Variants in C11orf65 observed in about 807,000 individuals in gnomAD.
C11orf65 encodes protein MFI.
Under a neutral mutation model 35.3 loss-of-function variants are expected in C11orf65, and 38 were observed. The ratio of observed to expected loss-of-function variants is 1.08; its 90% CI spans 0.83 to 1.41. The LOEUF is 1.41. C11orf65 is among the 40% of genes most tolerant of loss of function. C11orf65 has a pLI of 0.00. For synonymous variants in C11orf65, 105 were observed against 114.4 expected, an observed-to-expected ratio of 0.92 and a Z score of 0.53; for missense variants, 370 against 367.1, an observed-to-expected ratio of 1.01 and a Z score of -0.06.
intron 2 of C11orf65, among the ~76,000 whole-genome samples, chr11:108,342,077 T>A (rs1565555618): frequency 6.6e-6 from 1 of 152,028 alleles, no homozygotes. Flanking sequence ...CTTAACATTA[T>A]GAGATTTTTT....
At chr11:108,390,833 A>T (rs1347506350) in intron 7 of C11orf65, among the ~76,000 whole-genome samples, 1 of 152,198 alleles carries the variant, frequency 6.6e-6, no homozygotes, top group Non-Finnish European at 1.5e-5. Context: ...TGCACAAAAT[A>T]TTGGGGTTAT....
At chr11:108,461,774 T>C (rs557932558) in intron 1 of C11orf65, among the ~76,000 whole-genome samples, 3 of 152,166 alleles carry the variant, frequency 2.0e-5, no homozygotes, top group South Asian at 2.1e-4. Flanking sequence ...ATTGTAGGCG[T>C]GCACCATCAC....
In C11orf65 at chr11:108,449,483, A is replaced by C. The variant is rs557779046; in HGVS notation, c.81+11996T>G. Among the ~76,000 whole-genome samples the C allele has an allele frequency of 7.5e-4, 114 of 152,118 alleles. 1 individual carries two copies. Among genetic ancestry groups the C allele is most frequent in the African/African-American group, 2.7e-3 (111 of 41,372 alleles). On this transcript the variant is annotated intron_variant, in intron 2 of 8. Coordinates refer to ENST00000393084, the MANE Select transcript of C11orf65 (RefSeq NM_152587.5). ...ACAGAGTCCTCAGAAATAATGCCGC[A>C]TATCTACAACCATCTGCTCTTTGAC...
At chr11:108,440,884 C>T (rs1417414859) in intron 2 of C11orf65, among the ~76,000 whole-genome samples, 1 of 152,104 alleles carries the variant, frequency 6.6e-6, no homozygotes, top group Non-Finnish European at 1.5e-5. Flanking sequence ...AGGAAGAGCC[C>T]CAGTCTACAG....
chr11:108,312,322 G>GT, intron 6 of C11orf65: 2 of 996,560 alleles, frequency 2.0e-6, no homozygotes, highest in East Asian at 2.4e-5. Flanking sequence ...ACCTTCATTA[G>GT]TTTTTTTCTG....
At chr11:108,414,118 G>A (rs1333781172) in intron 3 of C11orf65, among the ~76,000 whole-genome samples, 1 of 151,768 alleles carries the variant, frequency 6.6e-6, no homozygotes, top group Non-Finnish European at 1.5e-5. Flanking sequence ...GAAAATAAAA[G>A]AAACAAAAAG....
chr11:108,389,845 C>T (rs1385619790), intron 7 of C11orf65, among the ~76,000 whole-genome samples: 1 of 151,944 alleles, frequency 6.6e-6, no homozygotes, highest in African/African-American at 2.4e-5. Flanking sequence ...CAGGCACCCA[C>T]CACCACGCCC....
intron 6 of C11orf65, among the ~76,000 whole-genome samples, chr11:108,315,213 A>G (rs901310414): frequency 1.3e-5 from 2 of 152,200 alleles, no homozygotes; most frequent in African/African-American, 4.8e-5. Flanking sequence ...CAACACAATA[A>G]TGCTTACCAC....
chr11:108,358,803 C>T lies in C11orf65; in HGVS notation c.227-23511G>A, dbSNP rs890035625. ...AAGAGCTCCTGAAGGAAGCACTAAACATGGAAAGGAACAACCGGTACCAGC... is the reference window on the plus strand; with the variant it reads ...AAGAGCTCCTGAAGGAAGCACTAAATATGGAAAGGAACAACCGGTACCAGC... On this transcript the variant is annotated intron_variant, in intron 2 of 3. Transcript: ENST00000524755. Among the ~76,000 whole-genome samples the T allele has an allele frequency of 5.7e-3, 851 of 149,432 alleles. 2 individuals carry two copies. Among genetic ancestry groups the T allele is most frequent in the Non-Finnish European group, 9.0e-3 (603 of 66,790 alleles).
At chr11:108,406,232 G>T (rs558369544) in intron 5 of C11orf65, among the ~76,000 whole-genome samples, 1 of 152,264 alleles carries the variant, frequency 6.6e-6, no homozygotes, top group East Asian at 1.9e-4. Flanking sequence ...TGGTTGATAT[G>T]CAATAGTTTA....
chr11:108,334,892 G>T (rs1855777514), intron 3 of C11orf65: 3 of 1,487,020 alleles, frequency 2.0e-6, no homozygotes, highest in Middle Eastern at 1.8e-4. Context: ...TATTAAAATT[G>T]CCATTTATAA....
intron 3 of C11orf65, among the ~76,000 whole-genome samples, chr11:108,426,037 T>C (rs920257636): frequency 2.5e-4 from 38 of 152,206 alleles, no homozygotes; most frequent in African/African-American, 7.2e-4. Flanking sequence ...CCACAGCCAA[T>C]ACCATACTGA....
At chr11:108,308,858 T>G (rs1346147971) in exon 7 of C11orf65, 1 of 635,188 alleles carries the variant, frequency 1.6e-6, no homozygotes, top group Non-Finnish European at 2.7e-6. Flanking sequence ...TACCTTAGAG[T>G]TTTATACCAG....
intron 4 of C11orf65, 47 bp downstream of exon 4, chr11:108,407,049 T>C (rs1332026235): frequency 6.3e-7 from 1 of 1,577,040 alleles, no homozygotes; most frequent in Non-Finnish European, 8.7e-7. Flanking sequence ...TTCAATTTCA[T>C]AAAAATGTGC....
intron 2 of C11orf65, among the ~76,000 whole-genome samples, chr11:108,445,204 G>A (rs1004128381): frequency 1.3e-4 from 20 of 152,312 alleles, no homozygotes; most frequent in Admixed American, 5.2e-4. Flanking sequence ...CAAAAAGACA[G>A]CAGTAACCTC....
At chr11:108,458,420 T>C (rs535893508) in intron 2 of C11orf65, among the ~76,000 whole-genome samples, 2 of 151,044 alleles carry the variant, frequency 1.3e-5, no homozygotes, top group Admixed American at 6.6e-5. Context: ...GTCTAGCTTC[T>C]GGTCTTTGTT....
At chr11:108,407,791 G>A (rs1355137121) in intron 3 of C11orf65, among the ~76,000 whole-genome samples, 1 of 151,216 alleles carries the variant, frequency 6.6e-6, no homozygotes, top group Admixed American at 6.6e-5. Flanking sequence ...AATTAGCTAG[G>A]CATGGTGGCA....
intron 2 of C11orf65, chr11:108,336,028 G>C: frequency 8.2e-7 from 1 of 1,220,844 alleles, no homozygotes; most frequent in East Asian, 2.4e-5. Context: ...TGGGTGAAGT[G>C]GCTCATGCCC....
chr11:108,409,710 G>A (rs912382736), intron 3 of C11orf65, among the ~76,000 whole-genome samples: 5 of 152,090 alleles, frequency 3.3e-5, no homozygotes, highest in Admixed American at 6.5e-5. Flanking sequence ...AGCAGGAGGT[G>A]AGCGGCAGGA....
Sources: gnomAD v4.1 joint callset for allele counts (sites outside exome capture counted in the v4.1 genomes callset) on GRCh38, gnomAD v4.1.1 for gene constraint, MANE v1.5 for transcripts, NCBI Gene and HGNC (gene_info 2026-07-23, HGNC 2026-07-21) for gene names.